SRFBP1: variants seen among roughly 807,000 people sequenced by gnomAD.
SRFBP1 encodes serum response factor-binding protein 1.
SRFBP1 carries 47 observed loss-of-function variants against 45.5 expected under a neutral mutation model. The ratio of observed to expected loss-of-function variants is 1.03; its 90% CI spans 0.82 to 1.32. The LOEUF is 1.32. SRFBP1 is among the 40% of genes most tolerant of loss of function. The pLI, the probability that SRFBP1 is intolerant of heterozygous loss-of-function variation, is 0.00. For missense variants in SRFBP1, 621 were observed against 484.6 expected, an observed-to-expected ratio of 1.28 and a Z score of -2.64; for synonymous variants, 203 against 166.3, an observed-to-expected ratio of 1.22 and a Z score of -1.70.
chr5:122,029,495 C>T (rs1039621195), downstream of SRFBP1, among the ~76,000 whole-genome samples: 13 of 152,170 alleles, frequency 8.5e-5, no homozygotes, highest in African/African-American at 3.1e-4. Context: ...TGAAAGAACC[C>T]TTCTACAGAG....
chr5:122,076,772 C>T, downstream of SRFBP1: 2 of 790,314 alleles, frequency 2.5e-6, no homozygotes, highest in Non-Finnish European at 4.2e-6. Context: ...CGTCCCACTT[C>T]CCAGCTCTTG....
intron 4 of SRFBP1, among the ~76,000 whole-genome samples, chr5:122,003,588 T>A (rs1752918166): frequency 6.6e-6 from 1 of 152,198 alleles, no homozygotes; most frequent in Non-Finnish European, 1.5e-5. Context: ...ATGGAATTGC[T>A]GAATCTTATG....
chr5:122,033,101 T>C (rs530077039), downstream of SRFBP1, among the ~76,000 whole-genome samples: 48 of 152,258 alleles, frequency 3.2e-4, no homozygotes, highest in Admixed American at 1.6e-3. Flanking sequence ...CTTTTTAATG[T>C]TTAAGGACCA....
chr5:122,014,873 A>G lies in SRFBP1; in HGVS notation c.271-4387A>G, dbSNP rs562733655. ...AACTCTGGAAAGAAATACCCAGTTC[A>G]GCAAAGATTTTAGCAAGTTGTCAAA... is the stretch of plus-strand genomic sequence containing the variant. On this transcript the variant is annotated intron_variant, in intron 4 of 7. Coordinates refer to ENST00000339397, the MANE Select transcript of SRFBP1 (RefSeq NM_152546.3). 1.6e-4 allele frequency among the ~76,000 whole-genome samples: 25 copies of G among 152,348 alleles called. No individual in the cohort carries two copies. In the South Asian group the frequency reaches 3.5e-3, roughly 21 times the overall value.
intron 2 of SRFBP1, among the ~76,000 whole-genome samples, chr5:122,046,461 G>C (rs962722238): frequency 2.0e-5 from 3 of 152,276 alleles, no homozygotes; most frequent in South Asian, 2.1e-4. Flanking sequence ...GGACATTTGG[G>C]TTGGTTCCAA....
intron 3 of SRFBP1, among the ~76,000 whole-genome samples, chr5:121,977,763 G>A (rs1256381461): frequency 6.6e-6 from 1 of 152,044 alleles, no homozygotes; most frequent in Non-Finnish European, 1.5e-5. Flanking sequence ...GTTGCAGGAT[G>A]ACTTCTTTGT....
Position 121,966,744 on chromosome 5 carries a change from A to G in SRFBP1, c.36+4676A>G, listed in dbSNP as rs186707385. On this transcript the variant is annotated intron_variant, in intron 1 of 7. Coordinates refer to ENST00000339397, the MANE Select transcript of SRFBP1 (RefSeq NM_152546.3). ...TTTCATAGGAAGGCCAACGGCCTAT[A>G]TGTACAACTGACATTTTATTTTTTT... 2.4e-3 allele frequency among the ~76,000 whole-genome samples: 363 copies of G among 152,164 alleles called. 2 individuals carry two copies. The highest frequency in any genetic ancestry group is 8.0e-3 in the African/African-American group (334 of 41,528).
Position 121,986,690 on chromosome 5 carries a change from G to A in SRFBP1, c.199-7909G>A, listed in dbSNP as rs13360946. Among the ~76,000 whole-genome samples the A allele has an allele frequency of 5.0e-3, 764 of 152,014 alleles. 1 individual carries two copies. The highest frequency in any genetic ancestry group is 7.8e-3 in the Non-Finnish European group (531 of 67,932). On this transcript the variant is annotated intron_variant, in intron 3 of 7. Coordinates refer to ENST00000339397, the MANE Select transcript of SRFBP1 (RefSeq NM_152546.3). ...TTTGAATCCCATTTGTCCTTTTCTG[G>A]CATAAGAAATTATCACAGGGTTTAT... is the stretch of plus-strand genomic sequence containing the variant.
intron 1 of SRFBP1, among the ~76,000 whole-genome samples, chr5:121,962,931 C>G (rs1751980391): frequency 6.6e-6 from 1 of 152,158 alleles, no homozygotes; most frequent in Admixed American, 6.5e-5. Flanking sequence ...AACCTATACT[C>G]AAGTAAGAGA....
chr5:122,027,247 A>G lies in SRFBP1; in HGVS notation c.*121A>G, dbSNP rs1291503645. 10 of 781,776 alleles carry G rather than the reference A, an allele frequency of 1.3e-5. 1 individual carries two copies. The highest frequency in any genetic ancestry group is 8.9e-5 in the African/African-American group (5 of 55,956). 48.4% of individuals were successfully genotyped at this position (781,776 alleles called of 1,614,324 possible). A position where few individuals can be genotyped will look rare whatever the true frequency, so the allele number is the denominator to read the frequency against. ...GCAATCACAGCTCACTGCAGCCTCA[A>G]ACTCCTGGGCTCAAGTGATCCTCCC... On this transcript the variant is annotated 3_prime_UTR_variant, in exon 8 of 8. Transcript: ENST00000339397.
At chr5:122,075,414 T>C (rs965557496) in exon 3 of SRFBP1, 3 of 1,611,842 alleles carry the variant, frequency 1.9e-6, no homozygotes, top group Non-Finnish European at 2.5e-6. Flanking sequence ...TGATGACAAC[T>C]GTGCCATTCC....
rs760630386 is a variant in SRFBP1 at position 122,020,637 on chromosome 5, A to C, written c.902A>C (p.His301Pro). ...ACACGAAAGAAGGAAAGTAGTTGTC[A>C]TTCTTCAGTTAAGGAACAAAAACCA... Reference protein sequence around the residue: ...RRTRKKESSCHSSVKEQKPLE... With the variant: ...RRTRKKESSCPSSVKEQKPLE... The change falls in exon 6 of 8, where the codon CAT becomes CCT. Residue 301 changes from histidine (H) to proline (P), a missense_variant. Physicochemically the swap from His to Pro is moderately conservative, Grantham distance 77. Transcript: ENST00000339397. 5.6e-6 allele frequency: 9 copies of C among 1,614,040 alleles called. No individual in the cohort carries two copies. The highest frequency in any genetic ancestry group is 7.6e-6 in the Non-Finnish European group (9 of 1,179,970).
intron 2 of SRFBP1, chr5:122,066,746 A>G: frequency 6.3e-7 from 1 of 1,597,334 alleles, no homozygotes; most frequent in Non-Finnish European, 8.6e-7. Flanking sequence ...TTGCCTTCTA[A>G]TACCTAGATT....
At chr5:122,036,713 C>A (rs1753698871) in intron 2 of SRFBP1, among the ~76,000 whole-genome samples, 1 of 152,152 alleles carries the variant, frequency 6.6e-6, no homozygotes, top group Admixed American at 6.5e-5. Flanking sequence ...TTTCACACAT[C>A]ATTTTTGGAG....
chr5:122,070,934 C>G (rs1254250736), intron 2 of SRFBP1, among the ~76,000 whole-genome samples: 1 of 152,120 alleles, frequency 6.6e-6, no homozygotes, highest in African/African-American at 2.4e-5. Flanking sequence ...TATCTTAGCT[C>G]AAATGTCCTC....
intron 2 of SRFBP1, among the ~76,000 whole-genome samples, chr5:122,040,907 TTCC>T (rs1174658308): frequency 6.6e-6 from 1 of 152,136 alleles, no homozygotes; most frequent in Non-Finnish European, 1.5e-5. Context: ...AACTGGTTAT[TTCC>T]TCCTTTTTGC....
At chr5:122,033,873 G>A (rs1037141320) in intron 2 of SRFBP1, among the ~76,000 whole-genome samples, 6 of 146,126 alleles carry the variant, frequency 4.1e-5, no homozygotes, top group African/African-American at 1.6e-4. Flanking sequence ...GCCCAGGCTG[G>A]AGTGCAGTGG....
At chr5:122,076,956 G>A (rs1342143728), downstream of SRFBP1, 1 of 1,613,890 alleles carries the variant, frequency 6.2e-7, no homozygotes. Context: ...CTGCACGTAC[G>A]TGGACGCCTG....
intron 4 of SRFBP1, among the ~76,000 whole-genome samples, chr5:122,007,254 C>T (rs751296140): frequency 2.0e-5 from 3 of 151,946 alleles, no homozygotes; most frequent in South Asian, 4.1e-4. Flanking sequence ...ACAGTCTACA[C>T]GGGTGGTCTT....
Sources: allele counts gnomAD v4.1 joint callset (sites outside exome capture counted in the v4.1 genomes callset), GRCh38; gene constraint gnomAD v4.1.1; transcripts MANE v1.5; gene names NCBI Gene and HGNC (gene_info 2026-07-23, HGNC 2026-07-21).